The following FAM135B variants were observed in gnomAD, a reference collection of about 807,000 sequenced individuals.
The protein encoded by FAM135B is protein FAM135B.
In FAM135B, 43 loss-of-function variants were observed where a neutral mutation model predicts 127.7. The observed-to-expected ratio is 0.34, with a 90% CI of 0.26 to 0.43. The LOEUF (loss-of-function observed/expected upper bound fraction) is 0.43, where lower values mean the gene tolerates loss of function less well. FAM135B is among the 20% of genes least tolerant of loss of function. The probability of loss-of-function intolerance (pLI) is 1.00; values close to 1 mark genes in which losing one functional copy is unlikely to be tolerated. For synonymous variants in FAM135B, 670 were observed against 665.1 expected (o/e 1.01, Z -0.11); for missense variants, 1,558 against 1,725.6 (o/e 0.90, Z 1.72).
chr8:138,348,150 T>TG (rs781260098), intron 2 of FAM135B, among the ~76,000 whole-genome samples: 106 of 90,348 alleles, frequency 1.2e-3, no homozygotes, highest in African/African-American at 4.4e-3. Context: ...TTTTTTTTTT[T>TG]TGAGAAGGAA....
chr8:138,428,729 C>T (rs760489161), intron 1 of FAM135B, among the ~76,000 whole-genome samples: 22 of 152,262 alleles, frequency 1.4e-4, no homozygotes, highest in Middle Eastern at 6.8e-3. Flanking sequence ...AGTAGGGATC[C>T]CTGCCCATTC....
intron 1 of FAM135B, among the ~76,000 whole-genome samples, chr8:138,413,960 C>T: frequency 6.7e-6 from 1 of 149,184 alleles, no homozygotes; most frequent in Non-Finnish European, 1.5e-5. Context: ...CAATATCCCA[C>T]CTCTAACATC....
intron 10 of FAM135B, among the ~76,000 whole-genome samples, chr8:138,177,790 T>G (rs1482167021): frequency 1.3e-5 from 2 of 152,238 alleles, no homozygotes; most frequent in Non-Finnish European, 2.9e-5. Flanking sequence ...TCATGTATGT[T>G]CTCTGAACAT....
At chr8:138,220,090 C>CACACACAG (rs60002623) in intron 7 of FAM135B, among the ~76,000 whole-genome samples, 1 of 151,754 alleles carries the variant, frequency 6.6e-6, no homozygotes, top group African/African-American at 2.4e-5. Context: ...CACACACACA[C>CACACACAG]GTGCTCATGT....
At chr8:138,372,579 G>T (rs996899234) in intron 1 of FAM135B, among the ~76,000 whole-genome samples, 2 of 152,116 alleles carry the variant, frequency 1.3e-5, no homozygotes, top group African/African-American at 4.8e-5. Context: ...CATTTTCCTT[G>T]TTTGTAAAGT....
chr8:138,224,456 A>G (rs1819257970), intron 7 of FAM135B, among the ~76,000 whole-genome samples: 1 of 152,134 alleles, frequency 6.6e-6, no homozygotes, highest in Non-Finnish European at 1.5e-5. Context: ...ATTTTTTTTG[A>G]GACAGAGTCT....
chr8:138,389,742 A>T (rs1832436266), intron 1 of FAM135B, among the ~76,000 whole-genome samples: 1 of 152,200 alleles, frequency 6.6e-6, no homozygotes, highest in Non-Finnish European at 1.5e-5. Context: ...TAGTGGTGAT[A>T]GTTGGACAAT....
At chr8:138,209,679 A>T (rs1295018905) in intron 7 of FAM135B, among the ~76,000 whole-genome samples, 1 of 152,178 alleles carries the variant, frequency 6.6e-6, no homozygotes, top group Non-Finnish European at 1.5e-5. Context: ...TCAGGGAGAT[A>T]CAGGGAGGCC....
chr8:138,381,519 A>T (rs1487528931), intron 1 of FAM135B, among the ~76,000 whole-genome samples: 1 of 152,192 alleles, frequency 6.6e-6, no homozygotes, highest in Non-Finnish European at 1.5e-5. Flanking sequence ...TTAGGCTGTG[A>T]GCTCCATAAA....
chr8:138,405,213 CT>C lies in FAM135B; in HGVS notation c.-19-37212del, dbSNP rs146039265. ...ATGAGTAGTAATATTCTTTTTTTTTCTTTTTTTTTTCTTCTTATTATTATAC... is the reference window on the plus strand; with the variant it reads ...ATGAGTAGTAATATTCTTTTTTTTTCTTTTTTTTTCTTCTTATTATTATAC... On this transcript the variant is annotated intron_variant, in intron 1 of 19. Coordinates refer to ENST00000395297, the MANE Select transcript of FAM135B (RefSeq NM_015912.4). 2.5e-4 allele frequency among the ~76,000 whole-genome samples: 37 copies of C among 147,668 alleles called. No individual in the cohort carries two copies. In the East Asian group the frequency reaches 3.2e-3, roughly 13 times the overall value.
chr8:138,442,237 CATATATAT>C lies in FAM135B; in HGVS notation c.-20+54426_-20+54433del, dbSNP rs759993575. On this transcript the variant is annotated intron_variant, in intron 1 of 19. Transcript: ENST00000395297. ...AATTTAACGTGAAGAATATGGACAC[CATATATAT>C]ATATATATATATATATATATATATA... 2.9e-3 allele frequency among the ~76,000 whole-genome samples: 150 copies of C among 51,918 alleles called. 8 individuals are homozygous for C. The highest frequency in any genetic ancestry group is 9.7e-3 in the East Asian group (4 of 414). 34.1% of individuals were successfully genotyped at this position (51,918 alleles called of 152,430 possible).
chr8:138,179,543 C>T (rs563511904), intron 9 of FAM135B, among the ~76,000 whole-genome samples: 4 of 152,276 alleles, frequency 2.6e-5, no homozygotes, highest in Non-Finnish European at 5.9e-5. Context: ...GCCACATCAC[C>T]ATGTCACCTT....
Position 138,344,082 on chromosome 8 carries a change from C to T in FAM135B, c.77+23825G>A, listed in dbSNP as rs5021073. Reference sequence around the variant, plus strand: ...CTAGGGAGAGGCAGTGACAGGCATCCAGGTGAGAGAGGACAGTGGCTTAGA... The same window carrying T: ...CTAGGGAGAGGCAGTGACAGGCATCTAGGTGAGAGAGGACAGTGGCTTAGA... On this transcript the variant is annotated intron_variant, in intron 2 of 19. Coordinates refer to ENST00000395297, the MANE Select transcript of FAM135B (RefSeq NM_015912.4). Among the ~76,000 whole-genome samples the T allele has an allele frequency of 8.6e-3, 1,309 of 152,268 alleles. 23 individuals carry two copies. The highest frequency in any genetic ancestry group is 0.03 in the African/African-American group (1,260 of 41,548).
At chr8:138,282,213 C>T (rs565316466) in intron 3 of FAM135B, among the ~76,000 whole-genome samples, 2 of 152,170 alleles carry the variant, frequency 1.3e-5, no homozygotes, top group South Asian at 2.1e-4. Context: ...CAAAAGTAAT[C>T]TACCATCCCA....
chr8:138,137,099 T>C (rs1260464979), intron 19 of FAM135B, 48 bp downstream of exon 19: 3 of 967,076 alleles, frequency 3.1e-6, no homozygotes, highest in Non-Finnish European at 5.1e-6. Context: ...AATTTACTTT[T>C]GCTTTTCAAA....
intron 1 of FAM135B, among the ~76,000 whole-genome samples, chr8:138,463,903 A>G (rs1837257868): frequency 1.3e-5 from 2 of 152,330 alleles, no homozygotes; most frequent in Middle Eastern, 6.8e-3. Context: ...CATTATTAAA[A>G]TAACCAACAT....
chr8:138,198,542 C>T (rs188952734), intron 7 of FAM135B, among the ~76,000 whole-genome samples: 4 of 152,064 alleles, frequency 2.6e-5, no homozygotes, highest in Non-Finnish European at 4.4e-5. Context: ...AAAGTGTCAT[C>T]GTAATGTAGA....
chr8:138,208,862 C>A (rs1256309978), intron 7 of FAM135B, among the ~76,000 whole-genome samples: 1 of 151,820 alleles, frequency 6.6e-6, no homozygotes, highest in Non-Finnish European at 1.5e-5. Context: ...GAGATTTTGA[C>A]CTATTCAGAA....
chr8:138,396,850 T>C (rs947997999), intron 1 of FAM135B, among the ~76,000 whole-genome samples: 1 of 152,162 alleles, frequency 6.6e-6, no homozygotes, highest in Non-Finnish European at 1.5e-5. Flanking sequence ...CCCCTAGACC[T>C]ATCCCCAGAC....
Sources: allele counts gnomAD v4.1 joint callset (sites outside exome capture counted in the v4.1 genomes callset), GRCh38; gene constraint gnomAD v4.1.1; transcripts MANE v1.5; gene names NCBI Gene and HGNC (gene_info 2026-07-23, HGNC 2026-07-21).